The following LRRC4C variants were observed in gnomAD, a reference collection of about 807,000 sequenced individuals.
LRRC4C encodes leucine-rich repeat-containing protein 4C.
In LRRC4C, 5 loss-of-function variants were observed where a neutral mutation model predicts 33.6. The observed-to-expected ratio is 0.15, with a 90% CI of 0.08 to 0.31. LRRC4C has a LOEUF of 0.31. LRRC4C is among the 10% of genes least tolerant of loss of function. The pLI is 1.00. For missense variants in LRRC4C, 560 were observed against 796.7 expected (o/e 0.70, Z 3.58); for synonymous variants, 329 against 302.0 (o/e 1.09, Z -0.93).
intron 1 of LRRC4C, among the ~76,000 whole-genome samples, chr11:41,339,421 C>A (rs1394054322): frequency 6.6e-6 from 1 of 152,126 alleles, no homozygotes; most frequent in Non-Finnish European, 1.5e-5. Context: ...TCTTAGTAAG[C>A]TTTGTCTATG....
At chr11:40,587,502 C>T (rs1245673926) in intron 3 of LRRC4C, among the ~76,000 whole-genome samples, 1 of 141,670 alleles carries the variant, frequency 7.1e-6, no homozygotes, top group Admixed American at 7.2e-5. Context: ...GCCAGAACTT[C>T]CAACACTATG....
intron 1 of LRRC4C, among the ~76,000 whole-genome samples, chr11:41,257,442 G>T (rs1468300240): frequency 2.0e-5 from 3 of 151,980 alleles, no homozygotes; most frequent in African/African-American, 7.2e-5. Flanking sequence ...TATTTATAAA[G>T]GTGTAGCTAG....
At chr11:40,438,139 C>G (rs1951223697) in intron 3 of LRRC4C, among the ~76,000 whole-genome samples, 1 of 152,326 alleles carries the variant, frequency 6.6e-6, no homozygotes, top group East Asian at 1.9e-4. Flanking sequence ...AATGCAGCGA[C>G]CTACTGTTTT....
At chr11:41,430,347 C>T (rs1410272367) in intron 1 of LRRC4C, among the ~76,000 whole-genome samples, 10 of 152,094 alleles carry the variant, frequency 6.6e-5, no homozygotes, top group Admixed American at 4.6e-4. Context: ...CTATGCTTCT[C>T]CTTAGGTTTT....
intron 1 of LRRC4C, among the ~76,000 whole-genome samples, chr11:41,374,567 G>A (rs1952869618): frequency 6.6e-6 from 1 of 152,012 alleles, no homozygotes; most frequent in Non-Finnish European, 1.5e-5. Context: ...AAACAAAAAA[G>A]ACGGACTATT....
intron 1 of LRRC4C, among the ~76,000 whole-genome samples, chr11:41,344,901 C>T (rs977564846): frequency 6.6e-6 from 1 of 152,166 alleles, no homozygotes; most frequent in African/African-American, 2.4e-5. Context: ...ATTTTAGACA[C>T]AATTAACTGC....
intron 1 of LRRC4C, among the ~76,000 whole-genome samples, chr11:41,073,996 T>G (rs998472519): frequency 4.6e-5 from 7 of 152,194 alleles, no homozygotes; most frequent in Admixed American, 4.6e-4. Context: ...ACAACTGCCC[T>G]CTTAGTTGTG....
In LRRC4C at chr11:40,937,764, T is replaced by C. The variant is rs569135129; in HGVS notation, c.-495-4041A>G. Among the ~76,000 whole-genome samples the C allele has an allele frequency of 7.2e-5, 11 of 152,116 alleles. No individual in the cohort carries two copies. In the South Asian group the frequency reaches 2.1e-3, roughly 29 times the overall value. ...TTCAGGCAATTCTCCCACCTCAGCC[T>C]GCCGAGTAGCTGGGACAGAGGCACA... On this transcript the variant is annotated intron_variant, in intron 1 of 6. Coordinates refer to ENST00000528697, the MANE Select transcript of LRRC4C (RefSeq NM_001258419.2).
At chr11:40,361,739 C>A (rs1234759636) in intron 3 of LRRC4C, among the ~76,000 whole-genome samples, 1 of 152,138 alleles carries the variant, frequency 6.6e-6, no homozygotes, top group East Asian at 1.9e-4. Flanking sequence ...CATTGACATG[C>A]TTCACAGAAC....
chr11:41,107,918 T>A (rs1230813756), intron 1 of LRRC4C, among the ~76,000 whole-genome samples: 1 of 150,144 alleles, frequency 6.7e-6, no homozygotes, highest in Non-Finnish European at 1.5e-5. Context: ...GCCTGGGTGA[T>A]AGAGCGAGAG....
At chr11:40,941,033 A>C (rs1475192147) in intron 1 of LRRC4C, among the ~76,000 whole-genome samples, 1 of 151,936 alleles carries the variant, frequency 6.6e-6, no homozygotes, top group African/African-American at 2.4e-5. Context: ...AAATACGAAA[A>C]ATGAAGTGGG....
At chr11:40,878,145 T>A (rs565311931) in intron 2 of LRRC4C, among the ~76,000 whole-genome samples, 1 of 151,850 alleles carries the variant, frequency 6.6e-6, no homozygotes, top group East Asian at 1.9e-4. Context: ...CGGATGGAAG[T>A]GGTAGATAAC....
intron 1 of LRRC4C, among the ~76,000 whole-genome samples, chr11:40,999,122 T>A (rs1180881753): frequency 6.6e-6 from 1 of 152,266 alleles, no homozygotes; most frequent in East Asian, 1.9e-4. Flanking sequence ...TCACCCCTGC[T>A]GCGGTGCCTT....
intron 3 of LRRC4C, among the ~76,000 whole-genome samples, chr11:40,463,305 G>GGTGTGT (rs33911904): frequency 0.01 from 1,486 of 144,558 alleles, 13 homozygotes; most frequent in African/African-American, 0.026. Flanking sequence ...ATGTGTTACT[G>GGTGTGT]GTGTGTGTGT....
chr11:41,202,731 T>C (rs1487080), intron 1 of LRRC4C, among the ~76,000 whole-genome samples: 26,258 of 151,672 alleles, frequency 0.17, 2,854 homozygotes, highest in East Asian at 0.41. Context: ...AGACAAAATT[T>C]CCCCAAACAA....
intron 1 of LRRC4C, among the ~76,000 whole-genome samples, chr11:41,250,214 A>C (rs1226025935): frequency 6.6e-6 from 1 of 152,168 alleles, no homozygotes; most frequent in Non-Finnish European, 1.5e-5. Context: ...CCTGGCACCC[A>C]GGAGCATTTT....
chr11:40,650,112 A>G (rs1470952084), intron 2 of LRRC4C, among the ~76,000 whole-genome samples: 1 of 152,222 alleles, frequency 6.6e-6, no homozygotes, highest in Non-Finnish European at 1.5e-5. Flanking sequence ...TCCAAAAAAA[A>G]TAGATAATGA....
intron 3 of LRRC4C, among the ~76,000 whole-genome samples, chr11:40,520,228 T>C (rs1283531209): frequency 6.6e-6 from 1 of 152,230 alleles, no homozygotes; most frequent in Admixed American, 6.5e-5. Flanking sequence ...ATCATCCATG[T>C]ACTCACTGGA....
At chr11:40,260,246 C>T (rs1467921848) in intron 4 of LRRC4C, among the ~76,000 whole-genome samples, 3 of 127,630 alleles carry the variant, frequency 2.4e-5, no homozygotes, top group African/African-American at 9.0e-5. Context: ...GAGTTCATGT[C>T]CTTTGTAGGG....
Sources: gnomAD v4.1 joint callset for allele counts (sites outside exome capture counted in the v4.1 genomes callset) on GRCh38, gnomAD v4.1.1 for gene constraint, MANE v1.5 for transcripts, NCBI Gene and HGNC (gene_info 2026-07-23, HGNC 2026-07-21) for gene names.